The following ANO3 variants were observed in gnomAD, a reference collection of about 807,000 sequenced individuals.
ANO3 encodes anoctamin 3, also known as anoctamin-3.
A neutral mutation model predicts 144.8 loss-of-function variants in ANO3; 99 were observed. That is an observed-to-expected ratio of 0.68 (90% confidence interval 0.58 to 0.81). ANO3 has a LOEUF of 0.81. Among genes scored for constraint, ANO3 ranks in the 30% least tolerant of loss-of-function variants. ANO3 has a pLI of 0.00. For synonymous variants in ANO3, 414 were observed against 392.6 expected (o/e 1.05, Z -0.64); for missense variants, 905 against 1,202.2 (o/e 0.75, Z 3.66).
At chr11:26,623,826 G>A (rs990995649) in intron 17 of ANO3, among the ~76,000 whole-genome samples, 16 of 150,980 alleles carry the variant, frequency 1.1e-4, no homozygotes, top group Middle Eastern at 3.4e-3. Context: ...TCTCACTCTC[G>A]CCCAGGCTGG....
At chr11:26,313,331 A>G (rs1410359166) in intron 1 of ANO3, among the ~76,000 whole-genome samples, 1 of 152,208 alleles carries the variant, frequency 6.6e-6, no homozygotes, top group African/African-American at 2.4e-5. Flanking sequence ...AATTAGAAGA[A>G]TCAATATTAA....
intron 14 of ANO3, among the ~76,000 whole-genome samples, chr11:26,566,854 T>C (rs913712019): frequency 6.6e-6 from 1 of 151,938 alleles, no homozygotes; most frequent in African/African-American, 2.4e-5. Flanking sequence ...GCAGTTGCTT[T>C]ATCATCATTA....
intron 1 of ANO3, among the ~76,000 whole-genome samples, chr11:26,213,282 G>A (rs181148189): frequency 6.6e-6 from 1 of 152,094 alleles, no homozygotes; most frequent in African/African-American, 2.4e-5. Flanking sequence ...TTTGGCCAGG[G>A]AAATCAGGCA....
At chr11:26,595,621 T>C (rs1324494625) in intron 14 of ANO3, among the ~76,000 whole-genome samples, 1 of 152,074 alleles carries the variant, frequency 6.6e-6, no homozygotes, top group Non-Finnish European at 1.5e-5. Flanking sequence ...ATTGTGGTTT[T>C]TTCTCAATCA....
chr11:26,290,833 T>C (rs1470737736), intron 1 of ANO3, among the ~76,000 whole-genome samples: 1 of 152,206 alleles, frequency 6.6e-6, no homozygotes, highest in Non-Finnish European at 1.5e-5. Flanking sequence ...CTTCCAACAA[T>C]GTGGACAATT....
At chr11:26,500,791 A>C (rs73430247) in intron 4 of ANO3, among the ~76,000 whole-genome samples, 7,986 of 151,698 alleles carry the variant, frequency 0.053, 403 homozygotes, top group African/African-American at 0.13. Flanking sequence ...GAAAAAAAAA[A>C]CCACCAAAAA....
chr11:26,470,612 A>G (rs1859746281), intron 4 of ANO3, among the ~76,000 whole-genome samples: 1 of 151,978 alleles, frequency 6.6e-6, no homozygotes, highest in South Asian at 2.1e-4. Context: ...ATTTAAGGAT[A>G]ATAGGACATG....
intron 14 of ANO3, chr11:26,565,644 G>A: frequency 1.2e-6 from 2 of 1,609,132 alleles, no homozygotes; most frequent in African/African-American, 2.7e-5. Flanking sequence ...CAAAGGAGGG[G>A]AATGACTCGC....
intron 20 of ANO3, among the ~76,000 whole-genome samples, chr11:26,635,606 C>T (rs1852932186): frequency 6.6e-6 from 1 of 152,136 alleles, no homozygotes; most frequent in Non-Finnish European, 1.5e-5. Flanking sequence ...GCCACCCCTA[C>T]CTAGACTGTG....
intron 6 of ANO3, 89 bp downstream of exon 6, chr11:26,517,016 T>A (rs1362616391): frequency 6.3e-6 from 4 of 631,426 alleles, no homozygotes; most frequent in Non-Finnish European, 1.0e-5. Flanking sequence ...TGCAACCCCT[T>A]CTACAGAGAA....
At chr11:26,194,911 A>G (rs1851555076) in intron 1 of ANO3, among the ~76,000 whole-genome samples, 1 of 152,172 alleles carries the variant, frequency 6.6e-6, no homozygotes, top group South Asian at 2.1e-4. Context: ...TGATACAGGC[A>G]TACAATGCAT....
chr11:26,248,435 T>A lies in ANO3; in HGVS notation c.154+59105T>A, dbSNP rs1210520816. On this transcript the variant is annotated intron_variant, in intron 1 of 27. Transcript: ENST00000672621. ...TCTTTCAAGTTAGTTCTTTCCCTAA[T>A]GAGAGGGTTATCATATATGCCTCTG... Among the ~76,000 whole-genome samples the A allele has an allele frequency of 2.6e-5, 4 of 152,204 alleles. No individual in the cohort carries two copies. The South Asian group carries it at 8.3e-4, about 32-fold the overall frequency.
intron 1 of ANO3, among the ~76,000 whole-genome samples, chr11:26,295,158 C>G (rs1256228933): frequency 6.6e-6 from 1 of 151,968 alleles, no homozygotes; most frequent in Non-Finnish European, 1.5e-5. Flanking sequence ...TCGTGATCCA[C>G]CCGCCTCGGC....
intron 1 of ANO3, among the ~76,000 whole-genome samples, chr11:26,438,080 T>C (rs1858357318): frequency 6.6e-6 from 1 of 152,164 alleles, no homozygotes; most frequent in South Asian, 2.1e-4. Context: ...CATTCTTAAC[T>C]TGAAAAAATA....
At chr11:26,381,085 A>G (rs770843973) in intron 1 of ANO3, among the ~76,000 whole-genome samples, 15 of 151,930 alleles carry the variant, frequency 9.9e-5, no homozygotes, top group Non-Finnish European at 1.8e-4. Context: ...TGCCTTTTTC[A>G]AGGTAGTTTT....
chr11:26,257,083 T>C (rs1322434394), intron 1 of ANO3, among the ~76,000 whole-genome samples: 1 of 152,034 alleles, frequency 6.6e-6, no homozygotes, highest in Non-Finnish European at 1.5e-5. Flanking sequence ...GAATATAGAA[T>C]TGAAGGAATC....
chr11:26,327,362 C>T (rs979708003), upstream of ANO3, among the ~76,000 whole-genome samples: 22 of 152,160 alleles, frequency 1.4e-4, no homozygotes, highest in Non-Finnish European at 4.4e-5. Context: ...TGATGTTATT[C>T]ATGCTCGATG....
chr11:26,423,812 G>A (rs1565016334), intron 1 of ANO3, among the ~76,000 whole-genome samples: 2 of 151,880 alleles, frequency 1.3e-5, no homozygotes, highest in East Asian at 1.9e-4. Flanking sequence ...GATAGGGTAC[G>A]TGAGGAACTG....
At chr11:26,255,510 C>T (rs1853036717) in intron 1 of ANO3, among the ~76,000 whole-genome samples, 1 of 152,102 alleles carries the variant, frequency 6.6e-6, no homozygotes, top group South Asian at 2.1e-4. Flanking sequence ...GTTTTCCATA[C>T]ATTTTCAGAT....
Sources: allele counts gnomAD v4.1 joint callset (sites outside exome capture counted in the v4.1 genomes callset), GRCh38; gene constraint gnomAD v4.1.1; transcripts MANE v1.5; gene names NCBI Gene and HGNC (gene_info 2026-07-23, HGNC 2026-07-21).